DGKH: variants seen among roughly 807,000 people sequenced by gnomAD.
The protein encoded by DGKH is diacylglycerol kinase eta.
In DGKH, 90 loss-of-function variants were observed where a neutral mutation model predicts 159.3. The ratio of observed to expected loss-of-function variants is 0.57; its 90% CI spans 0.48 to 0.67. DGKH has a LOEUF of 0.67. DGKH is among the 30% of genes least tolerant of loss of function. The pLI is 0.00. For missense variants in DGKH, 1,181 were observed against 1,506.1 expected (o/e 0.78, Z 3.57); for synonymous variants, 536 against 553.8 (o/e 0.97, Z 0.45).
Position 42,221,319 on chromosome 13 carries a change from A to C in DGKH, c.3498A>C (p.Gly1166=). The C allele has an allele frequency of 6.2e-7, 1 of 1,613,730 alleles. No homozygotes were observed. ...VAAWLDLLNL[G]EYKDIFIRHD... is the part of the protein sequence containing the mutation. The stretch of plus-strand genomic sequence containing the variant: ...CTTGGCTGGATCTGCTCAATTTGGG[A>C]GAGTACAAAGATATCTTCATCCGTC... Residue 1166 remains glycine, a synonymous_variant, in exon 29 of 30, where the codon GGA becomes GGC. Transcript: ENST00000337343.
rs200409838 is a variant in DGKH at position 42,151,478 on chromosome 13, G to GGGGGGT, written c.385-3812_385-3811insGGGGTG. ...TTTTTGTGACTGAGTAGTATTCCAT[G>GGGGGGT]GTGTGTGTGTGTGTGTGTGTGTGTG... On this transcript the variant is annotated intron_variant, in intron 3 of 29. Coordinates refer to ENST00000337343, the MANE Select transcript of DGKH (RefSeq NM_178009.5). Among the ~76,000 whole-genome samples the GGGGGGT allele has an allele frequency of 6.3e-5, 8 of 126,378 alleles. No homozygotes were observed. The Admixed American group carries it at 6.7e-4, about 11-fold the overall frequency. 82.9% of individuals were successfully genotyped at this position (126,378 alleles called of 152,430 possible).
chr13:42,246,466 TAG>T (rs1430344207), downstream of DGKH, among the ~76,000 whole-genome samples: 4 of 152,194 alleles, frequency 2.6e-5, no homozygotes, highest in African/African-American at 9.7e-5. Context: ...TATAGTGTCA[TAG>T]CAGTGTATAA....
chr13:42,160,480 G>A (rs1294082077), intron 7 of DGKH, among the ~76,000 whole-genome samples: 1 of 152,178 alleles, frequency 6.6e-6, no homozygotes, highest in Non-Finnish European at 1.5e-5. Context: ...ACCAAATTTT[G>A]GTTGACATGT....
Position 42,165,320 on chromosome 13 carries a change from T to C in DGKH, c.856-11T>C, listed in dbSNP as rs756305639. On this transcript the variant is annotated splice_polypyrimidine_tract_variant and intron_variant, in intron 7 of 29. Transcript: ENST00000337343. Reference sequence around the variant, plus strand: ...TTTATGATTCTTGAAGGTATATTTGTTTGTCATTAGGTACACACTGCCTGC... The same window carrying C: ...TTTATGATTCTTGAAGGTATATTTGCTTGTCATTAGGTACACACTGCCTGC... 4 of 1,449,266 alleles carry C rather than the reference T, an allele frequency of 2.8e-6. No individual in the cohort carries two copies. Among genetic ancestry groups the C allele is most frequent in the Non-Finnish European group, 3.7e-6 (4 of 1,069,350 alleles). 89.8% of individuals were successfully genotyped at this position (1,449,266 alleles called of 1,614,324 possible).
At chr13:42,213,432 A>G (rs1957712169) in intron 24 of DGKH, among the ~76,000 whole-genome samples, 1 of 152,142 alleles carries the variant, frequency 6.6e-6, no homozygotes, top group South Asian at 2.1e-4. Flanking sequence ...TACCTAGCAG[A>G]TTTCAGTAGG....
intron 1 of DGKH, among the ~76,000 whole-genome samples, chr13:42,075,656 A>G (rs1259616300): frequency 6.6e-6 from 1 of 152,136 alleles, no homozygotes; most frequent in African/African-American, 2.4e-5. Flanking sequence ...CACTAACTGA[A>G]ACTTAAGAAA....
intron 3 of DGKH, among the ~76,000 whole-genome samples, chr13:42,133,652 C>T (rs1955338001): frequency 1.3e-5 from 2 of 152,240 alleles, no homozygotes; most frequent in South Asian, 2.1e-4. Context: ...GCTATGATTG[C>T]ACCACTGCTC....
At chr13:42,109,913 G>A (rs963102780) in intron 1 of DGKH, among the ~76,000 whole-genome samples, 2 of 152,124 alleles carry the variant, frequency 1.3e-5, no homozygotes, top group Admixed American at 1.3e-4. Context: ...CATCATTGGA[G>A]TGGAGTTTAT....
At chr13:42,215,715 TG>T in intron 26 of DGKH, 48 bp downstream of exon 26, 1 of 1,520,598 alleles carries the variant, frequency 6.6e-7, no homozygotes, top group Non-Finnish European at 9.0e-7. Context: ...ATTAAATGTC[TG>T]GGTCTTACCT....
Position 42,178,990 on chromosome 13 carries a change from T to C in DGKH, c.1538+770T>C, listed in dbSNP as rs531994198. On this transcript the variant is annotated intron_variant, in intron 13 of 29. Transcript: ENST00000337343. ...AAGAAAAAATATACAAATTTTGGTA[T>C]ATTATGTACTTAATTCACAGTAAAG... Among the ~76,000 whole-genome samples the C allele has an allele frequency of 2.2e-4, 33 of 152,382 alleles. No homozygotes were observed. In the South Asian group the frequency reaches 6.6e-3, roughly 31 times the overall value.
At chr13:42,144,263 G>A (rs1318818997) in intron 3 of DGKH, among the ~76,000 whole-genome samples, 1 of 152,168 alleles carries the variant, frequency 6.6e-6, no homozygotes, top group Non-Finnish European at 1.5e-5. Flanking sequence ...GAGGCATGGT[G>A]CTCAAACTCT....
At chr13:42,173,048 T>G (rs1956504753) in intron 11 of DGKH, among the ~76,000 whole-genome samples, 1 of 152,014 alleles carries the variant, frequency 6.6e-6, no homozygotes, top group Non-Finnish European at 1.5e-5. Flanking sequence ...CTCAGCTCAC[T>G]GCAACCTCCA....
chr13:42,159,191 G>A (rs1208116322), intron 5 of DGKH, 75 bp from the exon 6 acceptor site: 14 of 767,826 alleles, frequency 1.8e-5, no homozygotes, highest in East Asian at 1.5e-4. Context: ...TTTATGCTGT[G>A]ATTTCCTTTA....
chr13:42,243,813 G>C (rs574863707), downstream of DGKH, among the ~76,000 whole-genome samples: 8 of 152,288 alleles, frequency 5.3e-5, no homozygotes, highest in East Asian at 1.5e-3. Context: ...ACTGGAGTAG[G>C]CAAGGTCAGA....
At chr13:42,168,862 C>A (rs371907755) in intron 11 of DGKH, 44 bp downstream of exon 11, 9 of 1,556,134 alleles carry the variant, frequency 5.8e-6, no homozygotes, top group Non-Finnish European at 7.8e-6. Flanking sequence ...AAATGGCATA[C>A]TGAAATCATT....
chr13:42,208,819 G>C, intron 21 of DGKH, 140 bp from the exon 22 acceptor site: 1 of 276,316 alleles, frequency 3.6e-6, no homozygotes, highest in Non-Finnish European at 6.0e-6. Flanking sequence ...TTTTTTCTTG[G>C]ATTATTATTT....
chr13:42,049,049 T>C (rs1425624251), intron 1 of DGKH, 84 bp downstream of exon 1: 4 of 969,720 alleles, frequency 4.1e-6, no homozygotes, highest in African/African-American at 4.4e-5. Flanking sequence ...CGCCGGGCGA[T>C]CCCGGGAAGG....
At chr13:42,047,648 CAA>C (rs1880883054), upstream of DGKH, among the ~76,000 whole-genome samples, 1 of 152,210 alleles carries the variant, frequency 6.6e-6, no homozygotes, top group South Asian at 2.1e-4. Flanking sequence ...CCGCGGTTCC[CAA>C]GTGCCCGCGC....
intron 13 of DGKH, among the ~76,000 whole-genome samples, chr13:42,179,506 C>T (rs1339358304): frequency 6.6e-6 from 1 of 152,144 alleles, no homozygotes; most frequent in African/African-American, 2.4e-5. Context: ...GGTACCGTGG[C>T]TCATGCCTGT....
Sources: allele counts gnomAD v4.1 joint callset (sites outside exome capture counted in the v4.1 genomes callset), GRCh38; gene constraint gnomAD v4.1.1; transcripts MANE v1.5; gene names NCBI Gene and HGNC (gene_info 2026-07-23, HGNC 2026-07-21).